Variants in GSE1 observed in about 807,000 individuals in gnomAD.
The protein encoded by GSE1 is genetic suppressor element 1.
A neutral mutation model predicts 112.6 loss-of-function variants in GSE1; 32 were observed. The ratio of observed to expected loss-of-function variants is 0.28; its 90% CI spans 0.21 to 0.38. The LOEUF (loss-of-function observed/expected upper bound fraction) is 0.38. Among genes scored for constraint, GSE1 ranks in the 10% least tolerant of loss-of-function variants. The pLI, the probability that GSE1 is intolerant of heterozygous loss-of-function variation, is 1.00. For synonymous variants in GSE1, 1,115 were observed against 735.6 expected, an observed-to-expected ratio of 1.52 and a Z score of -8.35; for missense variants, 2,348 against 1,699.2, an observed-to-expected ratio of 1.38 and a Z score of -6.71.
intron 1 of GSE1, chr16:85,285,082 T>A (rs769496873): frequency 3.9e-5 from 6 of 152,018 alleles, no homozygotes; most frequent in Admixed American, 2.0e-4. Flanking sequence ...TATCTCTCCA[T>A]GAGATACTTA....
intron 1 of GSE1, among the ~76,000 whole-genome samples, chr16:85,587,180 C>A (rs945544538): frequency 1.3e-5 from 2 of 150,924 alleles, no homozygotes; most frequent in South Asian, 2.1e-4. Flanking sequence ...CCCCCCCCCC[C>A]CAGACCAGAC....
At chr16:85,583,440 G>GT (rs1411204734) in intron 1 of GSE1, 1 of 152,276 alleles carries the variant, frequency 6.6e-6, no homozygotes, top group Non-Finnish European at 1.5e-5. Context: ...AAGTAAAGCA[G>GT]TATCAAGAAT....
chr16:85,572,566 C>T (rs999748829), intron 1 of GSE1, among the ~76,000 whole-genome samples: 3 of 152,178 alleles, frequency 2.0e-5, no homozygotes, highest in East Asian at 1.9e-4. Flanking sequence ...ACGACATACA[C>T]ACACACACCA....
At chr16:85,662,934 C>T (rs750032143) in intron 9 of GSE1, 47 bp from the exon 10 acceptor site, 3 of 1,315,890 alleles carry the variant, frequency 2.3e-6, no homozygotes, top group Non-Finnish European at 3.3e-6. Flanking sequence ...GTCCACTGGA[C>T]AGATGAAGGC....
intron 2 of GSE1, among the ~76,000 whole-genome samples, chr16:85,437,490 G>T (rs1445130066): frequency 6.6e-6 from 1 of 152,004 alleles, no homozygotes; most frequent in East Asian, 1.9e-4. Context: ...CTAGGGAGGC[G>T]GCACCCACAC....
At chr16:85,651,294 C>T (rs1436542746) in intron 3 of GSE1, among the ~76,000 whole-genome samples, 1 of 151,874 alleles carries the variant, frequency 6.6e-6, no homozygotes, top group African/African-American at 2.4e-5. Context: ...CTCCAGGCCC[C>T]GCTGACCTAG....
At chr16:85,639,293 C>A (rs2050250732) in intron 2 of GSE1, among the ~76,000 whole-genome samples, 1 of 152,178 alleles carries the variant, frequency 6.6e-6, no homozygotes, top group African/African-American at 2.4e-5. Context: ...AAGCAGGGAC[C>A]TGTCCCCTCC....
intron 2 of GSE1, among the ~76,000 whole-genome samples, chr16:85,541,240 C>A (rs2044507271): frequency 1.3e-5 from 2 of 152,170 alleles, no homozygotes; most frequent in African/African-American, 4.8e-5. Flanking sequence ...CTGGGGGTTC[C>A]CCGGGAGGGC....
chr16:85,474,795 C>A (rs1331201214), intron 2 of GSE1, among the ~76,000 whole-genome samples: 1 of 151,994 alleles, frequency 6.6e-6, no homozygotes, highest in Non-Finnish European at 1.5e-5. Context: ...GAAGGGGGAG[C>A]CTGGAGAAGA....
At chr16:85,668,735 G>A (rs2053088883) in intron 14 of GSE1, among the ~76,000 whole-genome samples, 1 of 152,184 alleles carries the variant, frequency 6.6e-6, no homozygotes, top group Non-Finnish European at 1.5e-5. Context: ...TTCGTGTAAG[G>A]GTCCTGGGAG....
rs565589307 is a variant in GSE1 at position 85,303,852 on chromosome 16, G to T, written c.2284-53611G>T. Among the ~76,000 whole-genome samples, 4 of 152,362 alleles carry T rather than the reference G, an allele frequency of 2.6e-5. No homozygotes were observed. The South Asian group carries it at 8.3e-4, about 32-fold the overall frequency. On this transcript the variant is annotated intron_variant, in intron 1 of 2. Coordinates refer to the GSE1 transcript ENST00000637419. ...GGTTGCGAGGGTTGCATGGGAGAAG[G>T]CTGGGAATCGCCTGGCAGTGCCGCT...
intron 2 of GSE1, among the ~76,000 whole-genome samples, chr16:85,360,959 CA>C (rs2047059491): frequency 2.0e-5 from 3 of 151,986 alleles, no homozygotes; most frequent in Admixed American, 2.0e-4. Flanking sequence ...ACCCTGTCTG[CA>C]CCACAAACAT....
At chr16:85,345,000 C>A (rs2046704022) in intron 1 of GSE1, among the ~76,000 whole-genome samples, 1 of 152,250 alleles carries the variant, frequency 6.6e-6, no homozygotes, top group African/African-American at 2.4e-5. Flanking sequence ...CCCCCTCCCA[C>A]AGGCCCTCCT....
chr16:85,351,696 A>T (rs2046853779), intron 1 of GSE1, among the ~76,000 whole-genome samples: 1 of 152,194 alleles, frequency 6.6e-6, no homozygotes, highest in African/African-American at 2.4e-5. Flanking sequence ...AGCATTTTTT[A>T]AAATAGCCTT....
In GSE1 at chr16:85,661,987, G is replaced by A. The variant is rs192566810; in HGVS notation, c.2260+222G>A. 3.9e-5 allele frequency among the ~76,000 whole-genome samples: 6 copies of A among 152,330 alleles called. No homozygotes were observed. The East Asian group carries it at 1.2e-3, about 29-fold the overall frequency. ...TGCCTGTCCTGCCTCGATGCAAATT[G>A]TCCCAAAAAGCCAAATCAAAGCCCG... On this transcript the variant is annotated intron_variant, in intron 9 of 15. Coordinates refer to ENST00000253458, the MANE Select transcript of GSE1 (RefSeq NM_014615.5).
intron 2 of GSE1, among the ~76,000 whole-genome samples, chr16:85,504,983 A>G (rs2051489713): frequency 6.6e-6 from 1 of 150,972 alleles, no homozygotes; most frequent in Admixed American, 6.6e-5. Context: ...GTTCCCAACC[A>G]TTCTCCTCGT....
rs551357205 is a variant in GSE1, at chr16:85,382,249, C to A, written c.2464+24606C>A. ...ATCTCCCGTCCTGGTCATTCTCCAG[C>A]CCGCCCTTATCTCAGTGTCTGGGCT... On this transcript the variant is annotated intron_variant, in intron 2 of 2. Coordinates refer to the GSE1 transcript ENST00000637419. Among the ~76,000 whole-genome samples, 497 of 152,314 alleles carry A rather than the reference C, an allele frequency of 3.3e-3. 6 individuals are homozygous for A. Among genetic ancestry groups the A allele is most frequent in the Non-Finnish European group, 5.9e-3 (403 of 68,030 alleles).
chr16:85,478,893 TTCTTTC>T (rs2050562545), intron 2 of GSE1, among the ~76,000 whole-genome samples: 2 of 78,184 alleles, frequency 2.6e-5, no homozygotes, highest in East Asian at 3.0e-4. Context: ...CTTTCTTTCT[TTCTTTC>T]TTTCTTTCTT....
chr16:85,660,919 T>G (rs910052566), intron 8 of GSE1, among the ~76,000 whole-genome samples: 3 of 152,098 alleles, frequency 2.0e-5, no homozygotes, highest in African/African-American at 7.2e-5. Context: ...GATGAGCCAC[T>G]GCGCCCGGCC....
Sources: allele counts gnomAD v4.1 joint callset (sites outside exome capture counted in the v4.1 genomes callset), GRCh38; gene constraint gnomAD v4.1.1; transcripts MANE v1.5; gene names NCBI Gene and HGNC (gene_info 2026-07-23, HGNC 2026-07-21).